PCDH9: variants seen among roughly 807,000 people sequenced by gnomAD.
PCDH9 encodes protocadherin 9, also known as protocadherin-9.
In PCDH9, 24 loss-of-function variants were observed where a neutral mutation model predicts 70.6. That is an observed-to-expected ratio of 0.34 (90% CI 0.25 to 0.48). PCDH9 has a LOEUF of 0.48. Among genes scored for constraint, PCDH9 ranks in the 20% least tolerant of loss-of-function variants. PCDH9 has a pLI of 0.99. For missense variants in PCDH9, 1,281 were observed against 1,503.6 expected (o/e 0.85, Z 2.45); for synonymous variants, 562 against 558.5 (o/e 1.01, Z -0.09).
intron 2 of PCDH9, among the ~76,000 whole-genome samples, chr13:66,934,755 C>G (rs1217139268): frequency 2.0e-5 from 2 of 100,406 alleles, no homozygotes; most frequent in Non-Finnish European, 3.5e-5. Flanking sequence ...GAGTCTCGCT[C>G]TGTCGCCCAG....
chr13:66,635,779 C>T (rs1185521580), intron 3 of PCDH9, among the ~76,000 whole-genome samples: 2 of 152,024 alleles, frequency 1.3e-5, no homozygotes, highest in Non-Finnish European at 2.9e-5. Context: ...TTCAAGCCTA[C>T]TATTTCAGTC....
At chr13:66,558,411 AG>A (rs897377692) in intron 4 of PCDH9, among the ~76,000 whole-genome samples, 92 of 151,936 alleles carry the variant, frequency 6.1e-4, no homozygotes, top group African/African-American at 2.0e-3. Context: ...GGTGGAGGGG[AG>A]GTCATAGTGC....
intron 2 of PCDH9, among the ~76,000 whole-genome samples, chr13:67,061,088 A>G (rs2085530564): frequency 6.6e-6 from 1 of 152,150 alleles, no homozygotes; most frequent in Non-Finnish European, 1.5e-5. Context: ...ATGATGTCAG[A>G]TGAAATATGG....
intron 2 of PCDH9, among the ~76,000 whole-genome samples, chr13:67,144,414 A>G (rs1314235649): frequency 6.6e-6 from 1 of 152,160 alleles, no homozygotes; most frequent in Non-Finnish European, 1.5e-5. Flanking sequence ...TGGAACTGTT[A>G]CTAAACAACA....
chr13:66,933,050 A>G (rs1249961777), intron 2 of PCDH9, among the ~76,000 whole-genome samples: 1 of 151,882 alleles, frequency 6.6e-6, no homozygotes, highest in Non-Finnish European at 1.5e-5. Context: ...TAAAAATTTT[A>G]GAAGTATTGG....
At chr13:67,048,987 G>C (rs2085273738) in intron 2 of PCDH9, among the ~76,000 whole-genome samples, 1 of 152,186 alleles carries the variant, frequency 6.6e-6, no homozygotes, top group Non-Finnish European at 1.5e-5. Context: ...AGCCTTGGGA[G>C]ACCAAAAATC....
intron 3 of PCDH9, among the ~76,000 whole-genome samples, chr13:66,817,854 C>T (rs991587233): frequency 6.6e-6 from 1 of 152,122 alleles, no homozygotes; most frequent in African/African-American, 2.4e-5. Context: ...CCTTGAACTG[C>T]TGAGCTCAGA....
intron 4 of PCDH9, among the ~76,000 whole-genome samples, chr13:66,317,150 T>A (rs1955668028): frequency 6.6e-6 from 1 of 152,154 alleles, no homozygotes; most frequent in Non-Finnish European, 1.5e-5. Context: ...TTCATACATC[T>A]ATGTAGCTAT....
intron 3 of PCDH9, among the ~76,000 whole-genome samples, chr13:66,642,899 A>G (rs748159473): frequency 6.6e-6 from 1 of 151,984 alleles, no homozygotes; most frequent in Non-Finnish European, 1.5e-5. Flanking sequence ...TCTGTTCTTT[A>G]AATAAAGATC....
rs149656145 is a variant in PCDH9, at chr13:67,056,479, T to G, written c.3037-152874A>C. Among the ~76,000 whole-genome samples the G allele has an allele frequency of 2.4e-4, 37 of 152,304 alleles. 1 individual carries two copies. In the East Asian group the frequency reaches 7.1e-3, roughly 29 times the overall value. ...ATTACAGATGATAAAGAAGCTTTCTTGATAGAAGTCTGTCTCAGGGGAATA... is the reference window on the plus strand; with the variant it reads ...ATTACAGATGATAAAGAAGCTTTCTGGATAGAAGTCTGTCTCAGGGGAATA... On this transcript the variant is annotated intron_variant, in intron 2 of 4. Coordinates refer to ENST00000377865, the MANE Select transcript of PCDH9 (RefSeq NM_203487.3).
chr13:66,442,666 GT>G (rs10708418), intron 4 of PCDH9, among the ~76,000 whole-genome samples: 136,890 of 151,482 alleles, frequency 0.9, 62,814 homozygotes, highest in Non-Finnish European at 0.98. Flanking sequence ...CCAGTTTGTT[GT>G]TTTTTTTTCA....
intron 2 of PCDH9, among the ~76,000 whole-genome samples, chr13:66,946,216 T>A (rs1197317124): frequency 6.6e-6 from 1 of 152,098 alleles, no homozygotes; most frequent in Non-Finnish European, 1.5e-5. Context: ...AGTTATAAAA[T>A]CCTACAAAAG....
intron 4 of PCDH9, among the ~76,000 whole-genome samples, chr13:66,595,275 C>T (rs2077089200): frequency 6.6e-6 from 1 of 151,608 alleles, no homozygotes; most frequent in East Asian, 1.9e-4. Context: ...AAACCTACCT[C>T]CTGTCATAAA....
chr13:66,963,898 T>C (rs747413466), intron 2 of PCDH9, among the ~76,000 whole-genome samples: 56 of 152,088 alleles, frequency 3.7e-4, no homozygotes, highest in Non-Finnish European at 6.3e-4. Flanking sequence ...TTTGTGGAAA[T>C]AGGTGTAACA....
rs530577129 is a variant in PCDH9 at position 67,001,199 on chromosome 13, G to A, written c.3037-97594C>T. On this transcript the variant is annotated intron_variant, in intron 2 of 4. Transcript: ENST00000377865. ...TTTATAACAACATACATAAATAAAA[G>A]TGGAGATTTGATGTTTGGATTACGA... Among the ~76,000 whole-genome samples, 10 of 152,278 alleles carry A rather than the reference G, an allele frequency of 6.6e-5. No individual in the cohort carries two copies. The South Asian group carries it at 2.1e-3, about 32-fold the overall frequency.
chr13:66,879,952 T>C (rs1300017104), intron 3 of PCDH9: 2 of 151,562 alleles, frequency 1.3e-5, no homozygotes, highest in Admixed American at 6.6e-5. Context: ...AAAAAAACAG[T>C]TTATTACAAA....
chr13:66,610,284 G>C (rs1056480178), intron 4 of PCDH9, among the ~76,000 whole-genome samples: 2 of 151,208 alleles, frequency 1.3e-5, no homozygotes, highest in East Asian at 1.9e-4. Flanking sequence ...ATGAGACAGA[G>C]AGAGAAAGAG....
chr13:66,759,901 A>T (rs1252743756), intron 3 of PCDH9, among the ~76,000 whole-genome samples: 1 of 152,138 alleles, frequency 6.6e-6, no homozygotes, highest in Non-Finnish European at 1.5e-5. Context: ...ATAGTATTAG[A>T]ATATTCTAAA....
intron 4 of PCDH9, among the ~76,000 whole-genome samples, chr13:66,440,561 A>G (rs1957953850): frequency 6.6e-6 from 1 of 152,086 alleles, no homozygotes; most frequent in African/African-American, 2.4e-5. Flanking sequence ...ATGATTTATA[A>G]AAAGCAGGTA....
Sources: allele counts gnomAD v4.1 joint callset (sites outside exome capture counted in the v4.1 genomes callset), GRCh38; gene constraint gnomAD v4.1.1; transcripts MANE v1.5; gene names NCBI Gene and HGNC (gene_info 2026-07-23, HGNC 2026-07-21).